The following CTNNA3 variants were observed in gnomAD, a reference collection of about 807,000 sequenced individuals.
CTNNA3 encodes catenin alpha-3.
CTNNA3 carries 76 observed loss-of-function variants against 95.7 expected under a neutral mutation model. The ratio of observed to expected loss-of-function variants is 0.79; its 90% CI spans 0.66 to 0.96. CTNNA3 has a LOEUF of 0.96. Among genes scored for constraint, CTNNA3 ranks in the 40% least tolerant of loss-of-function variants. The probability of loss-of-function intolerance (pLI) is 0.00; values close to 1 mark genes in which losing one functional copy is unlikely to be tolerated. For synonymous variants in CTNNA3, 431 were observed against 374.4 expected (o/e 1.15, Z -1.74); for missense variants, 1,191 against 1,089.8 (o/e 1.09, Z -1.31).
chr10:66,912,012 T>G (rs1205372431), intron 7 of CTNNA3, among the ~76,000 whole-genome samples: 1 of 152,170 alleles, frequency 6.6e-6, no homozygotes, highest in Non-Finnish European at 1.5e-5. Flanking sequence ...TTTCATGACT[T>G]TAACTAAATA....
At chr10:66,855,009 T>A (rs10997418) in intron 7 of CTNNA3, among the ~76,000 whole-genome samples, 70,499 of 151,664 alleles carry the variant, frequency 0.46, 17,121 homozygotes, top group Non-Finnish European at 0.54. Flanking sequence ...GCACATTTTA[T>A]AACACAATGT....
At chr10:65,967,484 A>G (rs2077997991) in intron 16 of CTNNA3, among the ~76,000 whole-genome samples, 2 of 152,198 alleles carry the variant, frequency 1.3e-5, no homozygotes, top group South Asian at 4.1e-4. Context: ...TGCTACTCAA[A>G]TGGGCATAAA....
chr10:66,504,735 A>T (rs1840393248), intron 11 of CTNNA3, among the ~76,000 whole-genome samples: 1 of 152,182 alleles, frequency 6.6e-6, no homozygotes, highest in Admixed American at 6.6e-5. Flanking sequence ...ACCCCTAAAT[A>T]ACTGAATACA....
chr10:65,930,510 T>A (rs1458195034), intron 17 of CTNNA3, among the ~76,000 whole-genome samples: 1 of 152,204 alleles, frequency 6.6e-6, no homozygotes, highest in African/African-American at 2.4e-5. Context: ...AGGAAAATGT[T>A]CTGAGAGTAA....
At chr10:66,401,754 G>A (rs558821336) in intron 11 of CTNNA3, among the ~76,000 whole-genome samples, 35 of 149,184 alleles carry the variant, frequency 2.3e-4, no homozygotes, top group African/African-American at 7.9e-4. Context: ...CGTCTCCCAG[G>A]TTCAAGTGAT....
intron 5 of CTNNA3, among the ~76,000 whole-genome samples, chr10:67,288,746 A>G (rs1156585688): frequency 6.6e-6 from 1 of 152,202 alleles, no homozygotes; most frequent in Admixed American, 6.5e-5. Context: ...CAAATTCTGG[A>G]CCCAAAGAAA....
intron 3 of CTNNA3, among the ~76,000 whole-genome samples, chr10:67,581,062 C>A (rs777087494): frequency 6.6e-6 from 1 of 152,158 alleles, no homozygotes; most frequent in Non-Finnish European, 1.5e-5. Context: ...CCTTCTCTTG[C>A]CTGATTGCCC....
At chr10:67,159,997 C>A (rs548828012) in intron 7 of CTNNA3, among the ~76,000 whole-genome samples, 22 of 152,088 alleles carry the variant, frequency 1.4e-4, no homozygotes, top group African/African-American at 4.8e-4. Flanking sequence ...ATATCTAAAA[C>A]AGATCAGTAA....
intron 3 of CTNNA3, among the ~76,000 whole-genome samples, chr10:67,549,779 A>G (rs1305344645): frequency 1.3e-5 from 2 of 152,220 alleles, no homozygotes; most frequent in South Asian, 2.1e-4. Flanking sequence ...TTCAGTATAC[A>G]TAAATAAAGC....
At chr10:66,481,437 A>G (rs1274504313) in intron 11 of CTNNA3, among the ~76,000 whole-genome samples, 1 of 151,278 alleles carries the variant, frequency 6.6e-6, no homozygotes, top group Non-Finnish European at 1.5e-5. Flanking sequence ...ACAGAAACAA[A>G]GCAAAAACCT....
At chr10:66,179,816 C>T (rs2085942339) in intron 13 of CTNNA3, among the ~76,000 whole-genome samples, 1 of 152,122 alleles carries the variant, frequency 6.6e-6, no homozygotes, top group Non-Finnish European at 1.5e-5. Flanking sequence ...CCTGTGTTCA[C>T]ATCAATACAA....
At chr10:67,751,347 T>C in intron 1 of CTNNA3, 2 of 671,730 alleles carry the variant, frequency 3.0e-6, no homozygotes, top group South Asian at 1.5e-5. Flanking sequence ...GACTTCGTCC[T>C]GTTGCAGGCC....
intron 11 of CTNNA3, among the ~76,000 whole-genome samples, chr10:66,386,096 G>T (rs1446192658): frequency 6.6e-6 from 1 of 152,154 alleles, no homozygotes; most frequent in Non-Finnish European, 1.5e-5. Flanking sequence ...TCTGGCCAGG[G>T]CAATCAGGCA....
intron 4 of CTNNA3, among the ~76,000 whole-genome samples, chr10:67,533,907 G>GA (rs1339178130): frequency 6.6e-6 from 1 of 151,882 alleles, no homozygotes; most frequent in Non-Finnish European, 1.5e-5. Context: ...CAACGGGATT[G>GA]AAAAAAATCT....
intron 13 of CTNNA3, among the ~76,000 whole-genome samples, chr10:66,215,576 A>C (rs1202041182): frequency 2.0e-5 from 3 of 152,196 alleles, no homozygotes; most frequent in African/African-American, 7.2e-5. Context: ...GTCATTACTC[A>C]AAATTTATAA....
rs578158955 is a variant in CTNNA3, at chr10:66,380,540, T to G, written c.1532-1188A>C. On this transcript the variant is annotated intron_variant, in intron 11 of 17. Transcript: ENST00000433211. ...GGAGGATTGATTGAGCCCAGGAGTT[T>G]GAGGCTACAGTGAGCTTTGATCATG... Among the ~76,000 whole-genome samples the G allele has an allele frequency of 7.3e-5, 11 of 151,624 alleles. No individual in the cohort carries two copies. The South Asian group carries it at 2.3e-3, about 32-fold the overall frequency.
intron 1 of CTNNA3, among the ~76,000 whole-genome samples, chr10:67,720,472 T>C (rs1266759546): frequency 6.6e-6 from 1 of 152,082 alleles, no homozygotes; most frequent in Admixed American, 6.6e-5. Flanking sequence ...CTATTTGGTA[T>C]GTTTTTACAG....
At chr10:67,085,791 C>A (rs1178531428) in intron 7 of CTNNA3, among the ~76,000 whole-genome samples, 2 of 151,956 alleles carry the variant, frequency 1.3e-5, no homozygotes, top group African/African-American at 2.4e-5. Context: ...AATACGCAAG[C>A]CTGCACAAAC....
At chr10:66,274,851 T>A (rs767888759) in intron 13 of CTNNA3, among the ~76,000 whole-genome samples, 15 of 152,140 alleles carry the variant, frequency 9.9e-5, no homozygotes, top group Non-Finnish European at 1.9e-4. Flanking sequence ...TAATATTGAA[T>A]CTCCAACTTC....
Sources: allele counts gnomAD v4.1 joint callset (sites outside exome capture counted in the v4.1 genomes callset), GRCh38; gene constraint gnomAD v4.1.1; transcripts MANE v1.5; gene names NCBI Gene and HGNC (gene_info 2026-07-23, HGNC 2026-07-21).